The following TPX2 variants were observed in gnomAD, a reference collection of about 807,000 sequenced individuals.
TPX2 encodes TPX2 microtubule nucleation factor, also known as targeting protein for Xklp2.
TPX2 carries 21 observed loss-of-function variants against 93.6 expected under a neutral mutation model. That is an observed-to-expected ratio of 0.22 (90% CI 0.16 to 0.32). The LOEUF (loss-of-function observed/expected upper bound fraction) is 0.32, where lower values mean the gene tolerates loss of function less well. Ranked by LOEUF, TPX2 falls within the 10% of genes least tolerant of loss-of-function variation. The pLI, the probability that TPX2 is intolerant of heterozygous loss-of-function variation, is 1.00. For missense variants in TPX2, 776 were observed against 871.1 expected (o/e 0.89, Z 1.37); for synonymous variants, 281 against 298.3 (o/e 0.94, Z 0.60).
chr20:31,788,417 C>CAAA lies in TPX2; in HGVS notation c.1414-4298_1414-4296dup, dbSNP rs11356550. ...TGGGCAACAGAGCGAGACTCTGTCT[C>CAAA]AAAAAAAAAAAAAAAAAAAAAAGTC... On this transcript the variant is annotated intron_variant, in intron 12 of 17. Coordinates refer to ENST00000300403, the MANE Select transcript of TPX2 (RefSeq NM_012112.5). Among the ~76,000 whole-genome samples the CAAA allele has an allele frequency of 6.7e-3, 462 of 68,618 alleles. 11 individuals are homozygous for CAAA. Among genetic ancestry groups the CAAA allele is most frequent in the African/African-American group, 0.022 (444 of 19,744 alleles). The allele number at this position is 68,618 out of a possible 152,430, so 45.0% of individuals were successfully genotyped here. A position where few individuals can be genotyped will look rare whatever the true frequency, so the allele number is the denominator to read the frequency against.
At chr20:31,744,074 G>T (rs146868178) in intron 2 of TPX2, among the ~76,000 whole-genome samples, 2 of 150,572 alleles carry the variant, frequency 1.3e-5, no homozygotes, top group East Asian at 3.9e-4. Context: ...TGAATCCACA[G>T]ATATGGAACT....
chr20:31,795,657 T>C (rs1024242160), intron 15 of TPX2, among the ~76,000 whole-genome samples: 1 of 152,254 alleles, frequency 6.6e-6, no homozygotes, highest in South Asian at 2.1e-4. Context: ...ATTAGACTCA[T>C]TCATTGTGTT....
intron 12 of TPX2, among the ~76,000 whole-genome samples, chr20:31,786,144 G>A (rs906865943): frequency 6.6e-6 from 1 of 151,880 alleles, no homozygotes; most frequent in Non-Finnish European, 1.5e-5. Context: ...AGCACTGTAG[G>A]TACTTAATCC....
At chr20:31,762,615 G>A (rs980771747) in intron 4 of TPX2, among the ~76,000 whole-genome samples, 1 of 152,034 alleles carries the variant, frequency 6.6e-6, no homozygotes, top group Non-Finnish European at 1.5e-5. Flanking sequence ...CTCCCAAAGT[G>A]CTGGGATTAG....
intron 8 of TPX2, among the ~76,000 whole-genome samples, chr20:31,777,088 T>C (rs1006340432): frequency 2.0e-5 from 3 of 152,196 alleles, no homozygotes; most frequent in African/African-American, 7.2e-5. Context: ...CCTTACTGGA[T>C]TGAAAAAGCA....
intron 2 of TPX2, among the ~76,000 whole-genome samples, chr20:31,757,204 G>C (rs1310658585): frequency 6.6e-6 from 1 of 152,026 alleles, no homozygotes; most frequent in Non-Finnish European, 1.5e-5. Flanking sequence ...CACTGTGTCT[G>C]GCCCACTTCT....
At chr20:31,750,497 A>G (rs2061812985) in intron 2 of TPX2, among the ~76,000 whole-genome samples, 1 of 144,726 alleles carries the variant, frequency 6.9e-6, no homozygotes, top group Non-Finnish European at 1.5e-5. Flanking sequence ...TTTATTTATG[A>G]GACGGAGTCT....
In TPX2 at chr20:31,775,971, T is replaced by C. The variant is rs781177225; in HGVS notation, c.713T>C (p.Leu238Pro). The stretch of plus-strand genomic sequence containing the variant: ...AAAAAGAATGAAGAATTCAAGAAAC[T>C]TGCTCTGGCTGGAATAGGTGAGCTT... ...MRKKNEEFKK[L>P]ALAGIGQPVK... The change falls in exon 8 of 18, where the codon CTT becomes CCT. Residue 238 changes from leucine to proline, a missense_variant. Around this residue, in one of 3 missense-constraint regions of TPX2, gnomAD observed 279 missense variants for 261.6 expected, o/e 1.07. Coordinates refer to ENST00000300403, the MANE Select transcript of TPX2 (RefSeq NM_012112.5). 2.6e-6 allele frequency: 4 copies of C among 1,524,176 alleles called. No individual in the cohort carries two copies. Among genetic ancestry groups the C allele is most frequent in the Non-Finnish European group, 3.6e-6 (4 of 1,126,032 alleles). 94.4% of individuals were successfully genotyped at this position (1,524,176 alleles called of 1,614,324 possible). A position where few individuals can be genotyped will look rare whatever the true frequency, so the allele number is the denominator to read the frequency against.
chr20:31,793,610 T>C (rs1050192183), intron 13 of TPX2, among the ~76,000 whole-genome samples: 1 of 152,214 alleles, frequency 6.6e-6, no homozygotes, highest in African/African-American at 2.4e-5. Context: ...TTAGATCTTA[T>C]TTAGTTTTTA....
intron 12 of TPX2, among the ~76,000 whole-genome samples, chr20:31,792,257 G>T (rs1487275919): frequency 6.6e-6 from 1 of 152,116 alleles, no homozygotes; most frequent in Non-Finnish European, 1.5e-5. Context: ...TACTCAGGAG[G>T]CTGAGGTGGG....
intron 2 of TPX2, among the ~76,000 whole-genome samples, chr20:31,749,007 G>T (rs959235810): frequency 6.6e-6 from 1 of 150,548 alleles, no homozygotes; most frequent in East Asian, 2.0e-4. Flanking sequence ...GTGCAGTGGC[G>T]CGATCTCGGC....
intron 4 of TPX2, 40 bp from the exon 5 acceptor site, chr20:31,766,516 C>G (rs759167978): frequency 7.3e-7 from 1 of 1,372,522 alleles, no homozygotes. Context: ...AATTATTTTC[C>G]TTGGCCTTTG....
intron 5 of TPX2, among the ~76,000 whole-genome samples, 181 bp downstream of exon 5, chr20:31,766,863 T>C (rs940997637): frequency 6.7e-6 from 1 of 148,872 alleles, no homozygotes; most frequent in Non-Finnish European, 1.5e-5. Context: ...TGAAGTGGCA[T>C]GATCTTGGCT....
At chr20:31,762,144 T>C (rs749156250) in intron 4 of TPX2, among the ~76,000 whole-genome samples, 2 of 152,208 alleles carry the variant, frequency 1.3e-5, no homozygotes, top group Non-Finnish European at 2.9e-5. Context: ...CCTTCTTGAA[T>C]GAATAGTTAG....
chr20:31,771,534 A>G (rs760744550), intron 6 of TPX2, 26 bp from the exon 7 acceptor site: 11 of 1,606,722 alleles, frequency 6.8e-6, no homozygotes, highest in Non-Finnish European at 9.3e-6. Flanking sequence ...AATTGAAAAC[A>G]TATTTTTTGT....
At chr20:31,770,985 C>T (rs2061961965) in intron 6 of TPX2, among the ~76,000 whole-genome samples, 1 of 150,312 alleles carries the variant, frequency 6.7e-6, no homozygotes, top group African/African-American at 2.5e-5. Context: ...CTCACTGGCA[C>T]AAGATGGCTG....
intron 3 of TPX2, among the ~76,000 whole-genome samples, chr20:31,759,209 C>G (rs952630409): frequency 6.6e-6 from 1 of 152,030 alleles, no homozygotes; most frequent in African/African-American, 2.4e-5. Context: ...AGAACAGACC[C>G]TTCACTGCTT....
intron 2 of TPX2, among the ~76,000 whole-genome samples, chr20:31,747,983 G>A (rs1052164331): frequency 3.9e-5 from 6 of 152,040 alleles, no homozygotes; most frequent in Non-Finnish European, 8.8e-5. Flanking sequence ...GGGAGGTAGT[G>A]TCGTGAAACC....
intron 14 of TPX2, 44 bp downstream of exon 14, chr20:31,794,068 A>G (rs755611986): frequency 1.3e-6 from 2 of 1,552,976 alleles, no homozygotes; most frequent in Non-Finnish European, 1.7e-6. Context: ...CTATTCTTTG[A>G]TCCCTCAAAG....
Sources: allele counts gnomAD v4.1 joint callset (sites outside exome capture counted in the v4.1 genomes callset), GRCh38; gene constraint gnomAD v4.1.1; regional missense constraint gnomAD v4.1.1; transcripts MANE v1.5; gene names NCBI Gene and HGNC (gene_info 2026-07-23, HGNC 2026-07-21).